Variants in ZBTB7C observed in about 807,000 individuals in gnomAD.
ZBTB7C encodes zinc finger and BTB domain containing 7C.
In ZBTB7C, 8 loss-of-function variants were observed where a neutral mutation model predicts 25.7. The observed-to-expected ratio is 0.31, with a 90% CI of 0.18 to 0.56. The LOEUF (loss-of-function observed/expected upper bound fraction) is 0.56, where lower values mean the gene tolerates loss of function less well. Among genes scored for constraint, ZBTB7C ranks in the 20% least tolerant of loss-of-function variants. The pLI, the probability that ZBTB7C is intolerant of heterozygous loss-of-function variation, is 0.91. For synonymous variants in ZBTB7C, 394 were observed against 369.0 expected (o/e 1.07, Z -0.78); for missense variants, 824 against 855.2 (o/e 0.96, Z 0.46).
chr18:48,060,547 C>T (rs1598802424), intron 3 of ZBTB7C, among the ~76,000 whole-genome samples: 1 of 152,150 alleles, frequency 6.6e-6, no homozygotes, highest in East Asian at 1.9e-4. Context: ...CCAGTGTGCC[C>T]AACTCCCACC....
chr18:48,325,391 G>A (rs2046195531), intron 2 of ZBTB7C, among the ~76,000 whole-genome samples: 2 of 152,198 alleles, frequency 1.3e-5, no homozygotes, highest in Non-Finnish European at 1.5e-5. Context: ...GTTGGCCATT[G>A]CATTGATTCT....
Position 48,029,038 on chromosome 18 carries a change from G to C in ZBTB7C, c.*222C>G. On this transcript the variant is annotated 3_prime_UTR_variant, in exon 5 of 5. Coordinates refer to ENST00000590800, the MANE Select transcript of ZBTB7C (RefSeq NM_001318841.2). ...GCCAGAGAGACAGGGAGGGAGGCCC[G>C]GGCTCCTGGCCTTTTGGGAAAAGAT... The C allele has an allele frequency of 1.7e-6, 1 of 600,486 alleles. No homozygotes were observed. The highest frequency in any genetic ancestry group is 2.4e-5 in the South Asian group (1 of 42,068). 37.2% of individuals were successfully genotyped at this position (600,486 alleles called of 1,614,324 possible). A position where few individuals can be genotyped will look rare whatever the true frequency, so the allele number is the denominator to read the frequency against.
At chr18:48,352,349 C>CT (rs1170347797) in intron 1 of ZBTB7C, among the ~76,000 whole-genome samples, 1 of 152,246 alleles carries the variant, frequency 6.6e-6, no homozygotes, top group East Asian at 1.9e-4. Flanking sequence ...CACAGCCCTG[C>CT]TGGCTGCTAA....
chr18:48,161,956 C>T (rs990240061), intron 3 of ZBTB7C, among the ~76,000 whole-genome samples: 1 of 148,468 alleles, frequency 6.7e-6, no homozygotes, highest in African/African-American at 2.4e-5. Context: ...AGGCCGCGGC[C>T]CGGCGCGGCA....
chr18:48,083,430 C>T (rs1037272690), intron 3 of ZBTB7C, among the ~76,000 whole-genome samples: 2 of 152,090 alleles, frequency 1.3e-5, no homozygotes, highest in Non-Finnish European at 1.5e-5. Flanking sequence ...CGTCCCCTGC[C>T]TGTCCTCACC....
chr18:48,227,944 C>T (rs1036076383), intron 2 of ZBTB7C, among the ~76,000 whole-genome samples: 11 of 152,030 alleles, frequency 7.2e-5, no homozygotes, highest in Non-Finnish European at 1.0e-4. Context: ...CTTCTCATTC[C>T]ATATGAAAAG....
intron 2 of ZBTB7C, among the ~76,000 whole-genome samples, chr18:48,313,345 A>C (rs1308597661): frequency 1.3e-5 from 2 of 152,170 alleles, no homozygotes; most frequent in Non-Finnish European, 1.5e-5. Context: ...GCTAAGAGTG[A>C]GCCTAGGGCA....
At chr18:48,296,618 C>T (rs927016426) in intron 2 of ZBTB7C, among the ~76,000 whole-genome samples, 1 of 152,236 alleles carries the variant, frequency 6.6e-6, no homozygotes, top group Admixed American at 6.5e-5. Flanking sequence ...TCCCACAGCA[C>T]GTTCCCGAGT....
chr18:48,327,253 C>T (rs549885974), intron 2 of ZBTB7C, among the ~76,000 whole-genome samples: 6 of 152,268 alleles, frequency 3.9e-5, no homozygotes, highest in South Asian at 2.1e-4. Context: ...GCTATGCCCA[C>T]GTCTGCTCCA....
At chr18:48,163,338 G>A (rs1361982964) in intron 3 of ZBTB7C, among the ~76,000 whole-genome samples, 1 of 152,208 alleles carries the variant, frequency 6.6e-6, no homozygotes, top group Non-Finnish European at 1.5e-5. Flanking sequence ...CTGGTCAGAT[G>A]CTTTCTAGGC....
At chr18:48,377,670 A>G (rs2047550828) in intron 1 of ZBTB7C, among the ~76,000 whole-genome samples, 1 of 152,238 alleles carries the variant, frequency 6.6e-6, no homozygotes, top group Admixed American at 6.5e-5. Flanking sequence ...AGAACTGGAG[A>G]AGAAACAAAG....
intron 3 of ZBTB7C, among the ~76,000 whole-genome samples, chr18:48,092,517 G>A (rs1224272423): frequency 2.6e-5 from 4 of 152,178 alleles, no homozygotes; most frequent in African/African-American, 9.7e-5. Flanking sequence ...TGTTGAATTG[G>A]GTGTGGAGGA....
At chr18:48,062,923 G>A (rs1325199509) in intron 3 of ZBTB7C, among the ~76,000 whole-genome samples, 2 of 152,178 alleles carry the variant, frequency 1.3e-5, no homozygotes, top group East Asian at 1.9e-4. Flanking sequence ...CAGTGACTGC[G>A]CTGGAACCCG....
chr18:48,348,094 A>G (rs771387048), intron 1 of ZBTB7C, among the ~76,000 whole-genome samples: 18 of 152,230 alleles, frequency 1.2e-4, no homozygotes, highest in Non-Finnish European at 2.5e-4. Flanking sequence ...GCATTTTCCA[A>G]GGCTAACTCA....
intron 2 of ZBTB7C, among the ~76,000 whole-genome samples, chr18:48,211,537 C>A (rs2042702088): frequency 6.6e-6 from 1 of 152,150 alleles, no homozygotes; most frequent in South Asian, 2.1e-4. Flanking sequence ...TGAACAGACA[C>A]CTCACCAAAG....
chr18:48,049,215 CTCG>C (rs1442581724), intron 3 of ZBTB7C, among the ~76,000 whole-genome samples: 2 of 152,222 alleles, frequency 1.3e-5, no homozygotes, highest in African/African-American at 4.8e-5. Context: ...TAGTAAAGGA[CTCG>C]TGTTCTAGTC....
intron 2 of ZBTB7C, among the ~76,000 whole-genome samples, chr18:48,186,978 A>G (rs1210656195): frequency 6.6e-6 from 1 of 152,246 alleles, no homozygotes; most frequent in Non-Finnish European, 1.5e-5. Context: ...AGGCCTTGAC[A>G]CTGGCTGAAG....
chr18:48,294,425 C>A (rs1487142779), intron 2 of ZBTB7C, among the ~76,000 whole-genome samples: 2 of 151,748 alleles, frequency 1.3e-5, no homozygotes, highest in African/African-American at 2.4e-5. Context: ...ATAACACAAG[C>A]CTCCAAATGT....
intron 3 of ZBTB7C, among the ~76,000 whole-genome samples, chr18:48,052,351 G>A (rs2036722938): frequency 6.6e-6 from 1 of 152,250 alleles, no homozygotes; most frequent in Admixed American, 6.5e-5. Flanking sequence ...AAGAGGTTGT[G>A]TGTGGATAAC....
Sources: allele counts gnomAD v4.1 joint callset (sites outside exome capture counted in the v4.1 genomes callset), GRCh38; gene constraint gnomAD v4.1.1; transcripts MANE v1.5; gene names NCBI Gene and HGNC (gene_info 2026-07-23, HGNC 2026-07-21).